Variants in ABCA13 observed in about 807,000 individuals in gnomAD.
ABCA13 encodes the protein ATP-binding cassette sub-family A member 13.
In ABCA13, 476 loss-of-function variants were observed where a neutral mutation model predicts 478.7. The observed-to-expected ratio is 0.99, with a 90% CI of 0.92 to 1.07. The LOEUF (loss-of-function observed/expected upper bound fraction) is 1.07, where lower values mean the gene tolerates loss of function less well. ABCA13 is among the 50% of genes least tolerant of loss of function. The pLI is 0.00. For synonymous variants in ABCA13, 2,252 were observed against 2,158.9 expected (o/e 1.04, Z -1.20); for missense variants, 6,060 against 5,910.6 (o/e 1.03, Z -0.83).
intron 21 of ABCA13, among the ~76,000 whole-genome samples, chr7:48,296,167 A>G (rs1246737075): frequency 6.6e-6 from 1 of 152,182 alleles, no homozygotes; most frequent in African/African-American, 2.4e-5. Flanking sequence ...ATGTGGGAGA[A>G]TCGCTTGAGG....
intron 51 of ABCA13, among the ~76,000 whole-genome samples, chr7:48,514,972 A>G (rs1185420424): frequency 1.3e-5 from 2 of 152,188 alleles, no homozygotes; most frequent in Admixed American, 6.5e-5. Context: ...ATCATATTAT[A>G]TATATCTTAT....
intron 39 of ABCA13, among the ~76,000 whole-genome samples, chr7:48,405,774 C>A (rs1818184913): frequency 6.6e-6 from 1 of 152,184 alleles, no homozygotes; most frequent in African/African-American, 2.4e-5. Context: ...CAATGAAAGT[C>A]TCAGAAACAG....
intron 16 of ABCA13, among the ~76,000 whole-genome samples, chr7:48,271,508 T>C (rs891572772): frequency 1.7e-4 from 26 of 152,194 alleles, no homozygotes; most frequent in African/African-American, 5.1e-4. Flanking sequence ...TTATCTTTAA[T>C]AATCATACAT....
At chr7:48,521,452 A>G (rs117641175) in intron 53 of ABCA13, among the ~76,000 whole-genome samples, 202 of 152,360 alleles carry the variant, frequency 1.3e-3, no homozygotes, top group Non-Finnish European at 2.2e-3. Flanking sequence ...TTAATAAAGT[A>G]AAATAGACAC....
At chr7:48,221,217 G>A (rs2128967278) in intron 4 of ABCA13, 64 bp from the exon 5 acceptor site, 1 of 807,794 alleles carries the variant, frequency 1.2e-6, no homozygotes, top group South Asian at 1.5e-5. Context: ...TTAAAAGTAG[G>A]CATTTAGCAT....
chr7:48,288,151 CA>C (rs1798022901), intron 20 of ABCA13, 73 bp downstream of exon 20: 1 of 1,336,822 alleles, frequency 7.5e-7, no homozygotes, highest in Admixed American at 1.7e-5. Flanking sequence ...TCCAGTTATT[CA>C]AACTTGCTGC....
chr7:48,593,310 A>G (rs1789956761), intron 57 of ABCA13, among the ~76,000 whole-genome samples: 1 of 150,812 alleles, frequency 6.6e-6, no homozygotes, highest in Admixed American at 6.6e-5. Context: ...GTGGTTACCA[A>G]GAATCTATAT....
At position 48,392,097 on chromosome 7, in the gene ABCA13, C is replaced by T. The variant is rs147700914; in HGVS notation, c.11831C>T (p.Ala3944Val). 310 of 1,613,928 alleles carry T rather than the reference C, an allele frequency of 1.9e-4. No homozygotes were observed. Among genetic ancestry groups the T allele is most frequent in the Non-Finnish European group, 2.4e-4 (289 of 1,179,878 alleles). ...EHLLLFASIK[A>V]PQWTKKELHQ... ...TTGCTGCTCTTTGCTTCCATAAAGG[C>T]GCCTCAGTGGACCAAGAAGGAGCTG... The change falls in exon 38 of 62, where the codon GCG becomes GTG. Residue 3944 changes from alanine to valine, a missense_variant. By Grantham distance (64) the Ala-to-Val change is moderately conservative. Around this residue, in one of 3 missense-constraint regions of ABCA13, gnomAD observed 1,627 missense variants for 1,571.0 expected, o/e 1.04. Transcript: ENST00000435803.
At chr7:48,299,395 A>G (rs146211566) in intron 23 of ABCA13, among the ~76,000 whole-genome samples, 1 of 152,322 alleles carries the variant, frequency 6.6e-6, no homozygotes, top group Non-Finnish European at 1.5e-5. Flanking sequence ...CAAAATTCAA[A>G]TGACAGTGTC....
chr7:48,514,048 G>A (rs753318123), intron 51 of ABCA13, among the ~76,000 whole-genome samples: 2 of 152,174 alleles, frequency 1.3e-5, no homozygotes, highest in Non-Finnish European at 2.9e-5. Context: ...TAAGTAACTA[G>A]ATACAGATCC....
chr7:48,341,925 A>G (rs915855722), intron 29 of ABCA13, among the ~76,000 whole-genome samples: 35 of 113,076 alleles, frequency 3.1e-4, no homozygotes, highest in Non-Finnish European at 5.4e-4. Context: ...TCATATATAT[A>G]TACTCATATA....
At chr7:48,463,420 C>T (rs1826488955) in intron 43 of ABCA13, among the ~76,000 whole-genome samples, 1 of 152,070 alleles carries the variant, frequency 6.6e-6, no homozygotes, top group African/African-American at 2.4e-5. Context: ...GGCATCAGCT[C>T]CTTTAATTAA....
rs375952353 is a variant in ABCA13, at chr7:48,520,371, G to C, written c.14051+77G>C. 626 of 1,453,234 alleles carry C rather than the reference G, an allele frequency of 4.3e-4. 4 individuals carry two copies. The African/African-American group carries it at 8.3e-3, about 19-fold the overall frequency. The allele number at this position is 1,453,234 out of a possible 1,614,324, so 90.0% of individuals were successfully genotyped here. On this transcript the variant is annotated intron_variant, in intron 53 of 61. Transcript: ENST00000435803. ...AGGAAGAGAAAAATTCATCCTGGAGGTTGTAAAATAAAAATTATATCTGAT... is the reference window on the plus strand; with the variant it reads ...AGGAAGAGAAAAATTCATCCTGGAGCTTGTAAAATAAAAATTATATCTGAT...
chr7:48,432,103 A>G (rs947104210), intron 42 of ABCA13, among the ~76,000 whole-genome samples: 1 of 152,174 alleles, frequency 6.6e-6, no homozygotes, highest in African/African-American at 2.4e-5. Context: ...ATGTGTATAC[A>G]TTATATATAA....
intron 55 of ABCA13, among the ~76,000 whole-genome samples, chr7:48,554,041 A>G (rs1785556731): frequency 6.6e-6 from 1 of 152,020 alleles, no homozygotes. Flanking sequence ...ATTCCTCTGC[A>G]TATGGATATC....
At chr7:48,353,685 G>A (rs1809421563) in intron 31 of ABCA13, among the ~76,000 whole-genome samples, 1 of 151,688 alleles carries the variant, frequency 6.6e-6, no homozygotes, top group South Asian at 2.1e-4. Flanking sequence ...ATACATAATA[G>A]CACATCCACA....
intron 53 of ABCA13, 56 bp downstream of exon 53, chr7:48,520,350 A>G: frequency 2.6e-6 from 4 of 1,515,992 alleles, no homozygotes; most frequent in Non-Finnish European, 3.5e-6. Context: ...AATGAGAGGA[A>G]GAGAAAAATT....
chr7:48,233,091 G>C (rs1003992117), intron 7 of ABCA13, among the ~76,000 whole-genome samples: 2 of 152,116 alleles, frequency 1.3e-5, no homozygotes, highest in Non-Finnish European at 2.9e-5. Flanking sequence ...AAAAAATCTT[G>C]TATTTCTGGG....
chr7:48,450,924 T>C (rs575934720), intron 42 of ABCA13, among the ~76,000 whole-genome samples: 42 of 152,256 alleles, frequency 2.8e-4, no homozygotes, highest in African/African-American at 9.1e-4. Flanking sequence ...TTTGTTCAGT[T>C]AATACCTACA....
Sources: allele counts gnomAD v4.1 joint callset (sites outside exome capture counted in the v4.1 genomes callset), GRCh38; gene constraint gnomAD v4.1.1; regional missense constraint gnomAD v4.1.1; transcripts MANE v1.5; gene names NCBI Gene and HGNC (gene_info 2026-07-23, HGNC 2026-07-21).